The following MOXD1 variants were observed in gnomAD, a reference collection of about 807,000 sequenced individuals.
MOXD1 encodes DBH-like monooxygenase protein 1.
A neutral mutation model predicts 66.6 loss-of-function variants in MOXD1; 62 were observed. That is an observed-to-expected ratio of 0.93 (90% CI 0.76 to 1.15). The LOEUF (loss-of-function observed/expected upper bound fraction) is 1.15. Ranked by LOEUF, MOXD1 falls within the 50% of genes most tolerant of loss-of-function variation. MOXD1 has a pLI of 0.00. For synonymous variants in MOXD1, 303 were observed against 281.9 expected (o/e 1.07, Z -0.75); for missense variants, 847 against 754.6 (o/e 1.12, Z -1.44).
intron 1 of MOXD1, among the ~76,000 whole-genome samples, chr6:132,395,408 T>C (rs1267364241): frequency 6.6e-6 from 1 of 151,966 alleles, no homozygotes; most frequent in East Asian, 1.9e-4. Context: ...ACTAGAAGGT[T>C]ACCACTACAG....
At chr6:132,308,378 A>G (rs1358247222) in intron 10 of MOXD1, among the ~76,000 whole-genome samples, 2 of 152,194 alleles carry the variant, frequency 1.3e-5, no homozygotes, top group African/African-American at 4.8e-5. Flanking sequence ...GCAGTAATTA[A>G]TAGCCTACTA....
chr6:132,343,491 C>T (rs1368741283), intron 4 of MOXD1, among the ~76,000 whole-genome samples: 1 of 152,078 alleles, frequency 6.6e-6, no homozygotes, highest in East Asian at 1.9e-4. Context: ...AGGAGAGTCA[C>T]TTGAACCCAG....
intron 4 of MOXD1, among the ~76,000 whole-genome samples, chr6:132,336,597 A>C (rs1775444079): frequency 6.6e-6 from 1 of 152,006 alleles, no homozygotes; most frequent in Non-Finnish European, 1.5e-5. Flanking sequence ...CAGACACTCC[A>C]CTCTGAAGAA....
intron 1 of MOXD1, among the ~76,000 whole-genome samples, chr6:132,387,626 C>T (rs964860226): frequency 5.3e-5 from 8 of 149,990 alleles, no homozygotes; most frequent in East Asian, 3.9e-4. Context: ...TGGTGGTGCA[C>T]GCCTGTAATC....
At position 132,328,495 on chromosome 6, in the gene MOXD1, G is replaced by T. The variant is rs756579735; in HGVS notation, c.763C>A (p.His255Asn). The change falls in exon 5 of 12, where the codon CAC becomes AAC. Residue 255 changes from histidine (H) to asparagine (N), a missense_variant. Coordinates refer to ENST00000367963, the MANE Select transcript of MOXD1 (RefSeq NM_015529.4). ...GGCATGTTGGGGTGATAGCACTCGTGGCCGGACTCCAGAACGCTGTCGTTA... is the reference window on the plus strand; with the variant it reads ...GGCATGTTGGGGTGATAGCACTCGTTGCCGGACTCCAGAACGCTGTCGTTA... ...NFNDSVLESGHECYHPNMPDA... is the reference protein window; with the variant it reads ...NFNDSVLESGNECYHPNMPDA... The T allele has an allele frequency of 1.2e-6, 2 of 1,614,136 alleles. No homozygotes were observed. The highest frequency in any genetic ancestry group is 1.7e-6 in the Non-Finnish European group (2 of 1,180,026).
intron 4 of MOXD1, among the ~76,000 whole-genome samples, chr6:132,371,617 G>C (rs750971097): frequency 6.6e-6 from 1 of 152,120 alleles, no homozygotes; most frequent in Non-Finnish European, 1.5e-5. Flanking sequence ...GATAGGAAAA[G>C]TGTTATGGCT....
At position 132,359,661 on chromosome 6, in the gene MOXD1, T is replaced by C. The variant is rs375608085; in HGVS notation, c.663+12947A>G. ...GCCACGAAGCCCGGCTAATTTTTTG[T>C]ATTTTTAGTAGAGGCGGGGTTTCAC... is the stretch of plus-strand genomic sequence containing the variant. On this transcript the variant is annotated intron_variant, in intron 4 of 11. Transcript: ENST00000367963. Among the ~76,000 whole-genome samples the C allele has an allele frequency of 2.0e-5, 3 of 152,070 alleles. No individual in the cohort carries two copies. The East Asian group carries it at 5.8e-4, about 29-fold the overall frequency.
Position 132,328,066 on chromosome 6 carries a change from T to C in MOXD1, c.893A>G (p.Asp298Gly), listed in dbSNP as rs1451964471. 2 of 1,613,856 alleles carry C rather than the reference T, an allele frequency of 1.2e-6. No homozygotes were observed. Among genetic ancestry groups the C allele is most frequent in the Admixed American group, 3.3e-5 (2 of 59,984 alleles). ...GACTTCTAGGAGCACATAATGCGGA[T>C]CTAATGGAGTGCCAAGGGATAATCC... ...HVGLSLGTPL[D>G]PHYVLLEVHY... The change falls in exon 6 of 12, where the codon GAT becomes GGT. Residue 298 changes from aspartate to glycine, a missense_variant. Transcript: ENST00000367963.
chr6:132,367,223 G>A (rs1420577105), intron 4 of MOXD1, among the ~76,000 whole-genome samples: 3 of 152,150 alleles, frequency 2.0e-5, no homozygotes, highest in Non-Finnish European at 4.4e-5. Flanking sequence ...CCTAGAAAGG[G>A]TTGACTTGTT....
At position 132,297,115 on chromosome 6, in the gene MOXD1, G is replaced by T; in HGVS notation, c.*38C>A. Reference sequence around the variant, plus strand: ...ACCTGTACTTCAAATGACAGGTTCAGATCATAGAAAACATTGTCAAGTCCA... The same window carrying T: ...ACCTGTACTTCAAATGACAGGTTCATATCATAGAAAACATTGTCAAGTCCA... On this transcript the variant is annotated 3_prime_UTR_variant, in exon 12 of 12. Transcript: ENST00000367963. 1 of 1,602,368 alleles carries T rather than the reference G, an allele frequency of 6.2e-7. No homozygotes were observed. Among genetic ancestry groups the T allele is most frequent in the South Asian group, 1.1e-5 (1 of 90,030 alleles).
chr6:132,339,959 T>A (rs940222773), intron 4 of MOXD1, among the ~76,000 whole-genome samples: 2 of 148,586 alleles, frequency 1.3e-5, no homozygotes, highest in African/African-American at 2.5e-5. Context: ...AACCTTTGCC[T>A]CCCCGGTTCA....
chr6:132,383,084 T>C (rs1377533301), intron 1 of MOXD1, among the ~76,000 whole-genome samples: 1 of 152,228 alleles, frequency 6.6e-6, no homozygotes, highest in Non-Finnish European at 1.5e-5. Context: ...CCATCTGTCA[T>C]CATTTTCTTC....
At chr6:132,325,520 G>C (rs116188455) in intron 6 of MOXD1, among the ~76,000 whole-genome samples, 5 of 152,302 alleles carry the variant, frequency 3.3e-5, no homozygotes, top group African/African-American at 1.2e-4. Context: ...ACCATGTGAA[G>C]CCTACTGCCA....
At chr6:132,388,709 A>T (rs181075558) in intron 1 of MOXD1, among the ~76,000 whole-genome samples, 1 of 151,540 alleles carries the variant, frequency 6.6e-6, no homozygotes, top group Non-Finnish European at 1.5e-5. Flanking sequence ...AAGGGGGTCC[A>T]TTTTGTTACT....
chr6:132,393,982 T>C (rs1776821759), intron 1 of MOXD1, among the ~76,000 whole-genome samples: 1 of 152,180 alleles, frequency 6.6e-6, no homozygotes, highest in East Asian at 1.9e-4. Flanking sequence ...GCTACTGCCA[T>C]TGCCACAGCA....
intron 6 of MOXD1, chr6:132,324,954 A>ACACACACACAC (rs1562282488): frequency 1.4e-5 from 2 of 139,026 alleles, no homozygotes; most frequent in Non-Finnish European, 3.1e-5. Flanking sequence ...TTCACTCACA[A>ACACACACACAC]ACACACACAC....
intron 10 of MOXD1, among the ~76,000 whole-genome samples, chr6:132,299,915 A>T (rs970277025): frequency 6.0e-5 from 9 of 149,612 alleles, no homozygotes; most frequent in Non-Finnish European, 1.2e-4. Context: ...TCTCTCTCTT[A>T]ACATACATAA....
chr6:132,400,953 T>C (rs1410954026), intron 1 of MOXD1, among the ~76,000 whole-genome samples: 4 of 152,188 alleles, frequency 2.6e-5, no homozygotes, highest in African/African-American at 7.2e-5. Context: ...CCTGGGGTCA[T>C]CCGTGCTCGG....
At chr6:132,354,260 G>T (rs1459972969) in intron 4 of MOXD1, among the ~76,000 whole-genome samples, 1 of 152,116 alleles carries the variant, frequency 6.6e-6, no homozygotes, top group Non-Finnish European at 1.5e-5. Context: ...TTGGTTTTCT[G>T]GTTCCTTCTC....
Sources: gnomAD v4.1 joint callset for allele counts (sites outside exome capture counted in the v4.1 genomes callset) on GRCh38, gnomAD v4.1.1 for gene constraint, MANE v1.5 for transcripts, NCBI Gene and HGNC (gene_info 2026-07-23, HGNC 2026-07-21) for gene names.